The following FGFRL1 variants were observed in gnomAD, a reference collection of about 807,000 sequenced individuals.
FGFRL1 encodes the protein fibroblast growth factor receptor like 1, also known as fibroblast growth factor receptor-like 1.
FGFRL1 carries 24 observed loss-of-function variants against 36.8 expected under a neutral mutation model. The ratio of observed to expected loss-of-function variants is 0.65; its 90% CI spans 0.47 to 0.92. FGFRL1 has a LOEUF of 0.92. Ranked by LOEUF, FGFRL1 falls within the 40% of genes least tolerant of loss-of-function variation. FGFRL1 has a pLI of 0.00. For missense variants in FGFRL1, 785 were observed against 753.4 expected, an observed-to-expected ratio of 1.04 and a Z score of -0.49; for synonymous variants, 422 against 344.1, an observed-to-expected ratio of 1.23 and a Z score of -2.50.
chr4:1,014,719 C>T (rs985274196), intron 2 of FGFRL1, among the ~76,000 whole-genome samples: 1 of 152,256 alleles, frequency 6.6e-6, no homozygotes, highest in Admixed American at 6.5e-5. Context: ...GCCCCAGGCC[C>T]TTCCGGGCAG....
At chr4:1,024,867 C>G in intron 6 of FGFRL1, 38 bp from the exon 7 acceptor site, 1 of 1,542,538 alleles carries the variant, frequency 6.5e-7, no homozygotes, top group Non-Finnish European at 8.7e-7. Context: ...TTTGTGTCGG[C>G]GTTCCCCTCC....
intron 2 of FGFRL1, among the ~76,000 whole-genome samples, chr4:1,012,982 C>G (rs1159561073): frequency 6.6e-6 from 1 of 152,188 alleles, no homozygotes; most frequent in East Asian, 1.9e-4. Context: ...GCAGGATGGG[C>G]TATGGGAGAT....
At chr4:1,019,341 C>T (rs1716055884) in intron 2 of FGFRL1, among the ~76,000 whole-genome samples, 2 of 152,230 alleles carry the variant, frequency 1.3e-5, no homozygotes, top group African/African-American at 4.8e-5. Context: ...CACTTGTGTG[C>T]ACCCATGAAC....
chr4:1,023,554 G>C lies in FGFRL1; in HGVS notation c.353-87G>C. 8.0e-7 allele frequency: 1 copy of C among 1,243,126 alleles called. No individual in the cohort carries two copies. The allele number at this position is 1,243,126 out of a possible 1,614,324, so 77.0% of individuals were successfully genotyped here. On this transcript the variant is annotated intron_variant, in intron 3 of 6. Coordinates refer to ENST00000510644, the MANE Select transcript of FGFRL1 (RefSeq NM_001004356.3). The surrounding 1 kb of genome is among the most constrained non-coding windows in gnomAD (Gnocchi z 6.0). ...GTCCAGGGCTGTCCCGGCTGGGGCTGGGGGAGCTAGAGGCCACGGGGGAGT... is the reference window on the plus strand; with the variant it reads ...GTCCAGGGCTGTCCCGGCTGGGGCTCGGGGAGCTAGAGGCCACGGGGGAGT...
At chr4:1,018,390 C>T (rs992477189) in intron 2 of FGFRL1, among the ~76,000 whole-genome samples, 4 of 152,170 alleles carry the variant, frequency 2.6e-5, no homozygotes, top group Admixed American at 6.5e-5. Flanking sequence ...TGGAGGCATC[C>T]GCCTTCTTGG....
At position 1,022,395 on chromosome 4, in the gene FGFRL1, G is replaced by C; in HGVS notation, c.272G>C (p.Arg91Pro). ...GGGCTGAAGGTGAAGCAGGTGGAGC[G>C]GGAGGATGCCGGCGTGTACGTGTGC... ...PQGLKVKQVE[R>P]EDAGVYVCKA... Residue 91 changes from arginine (R) to proline (P), a missense_variant, in exon 3 of 7, where the codon CGG (arginine) becomes CCG (proline). Transcript: ENST00000510644. 6.2e-7 allele frequency: 1 copy of C among 1,611,670 alleles called. No homozygotes were observed. The highest frequency in any genetic ancestry group is 8.5e-7 in the Non-Finnish European group (1 of 1,179,618).
At chr4:1,013,451 G>T (rs910173972) in intron 2 of FGFRL1, among the ~76,000 whole-genome samples, 2 of 152,232 alleles carry the variant, frequency 1.3e-5, no homozygotes, top group African/African-American at 4.8e-5. Context: ...CAAGCGCGCC[G>T]CATCCAACCT....
intron 2 of FGFRL1, among the ~76,000 whole-genome samples, chr4:1,017,810 A>G (rs1309194115): frequency 1.3e-5 from 2 of 152,084 alleles, no homozygotes; most frequent in Non-Finnish European, 1.5e-5. Flanking sequence ...CCCCATGGGG[A>G]GGAGCCACCT....
chr4:1,016,597 G>A (rs1040497982), intron 2 of FGFRL1, among the ~76,000 whole-genome samples: 8 of 152,112 alleles, frequency 5.3e-5, no homozygotes, highest in Non-Finnish European at 7.4e-5. Flanking sequence ...GCCACATGCT[G>A]CATGCAGCTT....
intron 2 of FGFRL1, among the ~76,000 whole-genome samples, chr4:1,020,581 C>T (rs1225124847): frequency 4.7e-5 from 7 of 148,916 alleles, no homozygotes; most frequent in African/African-American, 1.5e-4. Flanking sequence ...CCTGGCCCTG[C>T]CTTCCAGCCC....
At chr4:1,015,047 G>T (rs1715817154) in intron 2 of FGFRL1, among the ~76,000 whole-genome samples, 1 of 150,384 alleles carries the variant, frequency 6.6e-6, no homozygotes, top group African/African-American at 2.5e-5. Context: ...GTGGCCTCCA[G>T]CCCCTGGCTT....
Position 1,023,643 on chromosome 4 carries a change from G to A in FGFRL1, c.355G>A (p.Asp119Asn), listed in dbSNP as rs985127013. Residue 119 changes from aspartate to asparagine, a missense_variant and splice_region_variant, in exon 4 of 7, where the codon GAC (aspartate) becomes AAC (asparagine). Asp to Asn is a conservative substitution (Grantham distance 23). Coordinates refer to ENST00000510644, the MANE Select transcript of FGFRL1 (RefSeq NM_001004356.3). The surrounding 1 kb of genome is among the most constrained non-coding windows in gnomAD (Gnocchi z 6.0). ...SVNYTLVVLDDISPGKESLGP... is the reference protein window; with the variant it reads ...SVNYTLVVLDNISPGKESLGP... The stretch of plus-strand genomic sequence containing the variant: ...TGTGCACCTCCGTCTCTCTGCAGAT[G>A]ACATTAGCCCAGGGAAGGAGAGCCT... The A allele has an allele frequency of 4.4e-6, 7 of 1,601,292 alleles. No homozygotes were observed. The East Asian group carries it at 6.7e-5, about 15-fold the overall frequency.
rs936127223 is a variant in FGFRL1, at chr4:1,025,266, C to A, written c.1434C>A (p.Ile478=). ...PKLYPKLYTD[I]HTHTHTHSHT... ...TGTACCCCAAACTCTACACAGACAT[C>A]CACACACACACACACACACACTCTC... The change falls in exon 7 of 7, where the codon ATC becomes ATA. Residue 478 remains isoleucine (I), a synonymous_variant. Transcript: ENST00000510644. 1.9e-5 allele frequency: 28 copies of A among 1,439,574 alleles called. No homozygotes were observed. The highest frequency in any genetic ancestry group is 9.2e-5 in the Admixed American group (5 of 54,338). 89.2% of individuals were successfully genotyped at this position (1,439,574 alleles called of 1,614,324 possible). A position where few individuals can be genotyped will look rare whatever the true frequency, so the allele number is the denominator to read the frequency against.
chr4:1,015,834 C>T (rs781673684), intron 2 of FGFRL1, among the ~76,000 whole-genome samples: 5 of 152,212 alleles, frequency 3.3e-5, no homozygotes, highest in Non-Finnish European at 7.4e-5. Flanking sequence ...TCCAGGCCCA[C>T]CAGCCAGTGG....
intron 2 of FGFRL1, among the ~76,000 whole-genome samples, chr4:1,019,957 C>T (rs988454099): frequency 1.3e-5 from 2 of 152,238 alleles, no homozygotes; most frequent in African/African-American, 2.4e-5. Context: ...CACTCCCAGC[C>T]CCAGCGGCCA....
At position 1,025,375 on chromosome 4, in the gene FGFRL1, G is replaced by T. The variant is rs377284409; in HGVS notation, c.*28G>T. On this transcript the variant is annotated 3_prime_UTR_variant, in exon 7 of 7. Transcript: ENST00000510644. ...GGCACCGTATCTGCAGTGGGCACGG[G>T]GGGGCCGGCCAGACAGGCAGACTGG... 8 of 1,519,050 alleles carry T rather than the reference G, an allele frequency of 5.3e-6. No individual in the cohort carries two copies. Among genetic ancestry groups the T allele is most frequent in the East Asian group, 4.9e-5 (2 of 40,422 alleles). 94.1% of individuals were successfully genotyped at this position (1,519,050 alleles called of 1,614,324 possible). A position where few individuals can be genotyped will look rare whatever the true frequency, so the allele number is the denominator to read the frequency against.
At chr4:1,012,374 G>A (rs2153024779) in intron 1 of FGFRL1, 96 bp from the exon 2 acceptor site, 1 of 1,431,808 alleles carries the variant, frequency 7.0e-7, no homozygotes, top group African/African-American at 1.5e-5. Flanking sequence ...GGCCTGTGGG[G>A]AGGGCGGCCA....
At chr4:1,022,172 C>A in intron 2 of FGFRL1, 31 bp from the exon 3 acceptor site, 1 of 1,486,242 alleles carries the variant, frequency 6.7e-7, no homozygotes, top group East Asian at 2.5e-5. Context: ...CAAGCCCCTC[C>A]TCGCTGACTG....
Position 1,023,074 on chromosome 4 carries a change from A to G in FGFRL1, c.353-567A>G, listed in dbSNP as rs1314897806. ...GTACATGTGCCCGTTTTCTGAATAC[A>G]GGAGCCTGGCCCAGGCCCCAGCAGG... On this transcript the variant is annotated intron_variant, in intron 3 of 6. Coordinates refer to ENST00000510644, the MANE Select transcript of FGFRL1 (RefSeq NM_001004356.3). The surrounding 1 kb of genome is among the most constrained non-coding windows in gnomAD (Gnocchi z 6.0). Among the ~76,000 whole-genome samples the G allele has an allele frequency of 6.6e-6, 1 of 151,730 alleles. No homozygotes were observed. The highest frequency in any genetic ancestry group is 2.1e-4 in the South Asian group (1 of 4,822).
Sources: allele counts gnomAD v4.1 joint callset (sites outside exome capture counted in the v4.1 genomes callset), GRCh38; gene constraint gnomAD v4.1.1; non-coding constraint Gnocchi (gnomAD v3.1); transcripts MANE v1.5; gene names NCBI Gene and HGNC (gene_info 2026-07-23, HGNC 2026-07-21).